Variants in DOK6 observed in about 807,000 individuals in gnomAD.
The protein encoded by DOK6 is downstream of tyrosine kinase 6.
In DOK6, 22 loss-of-function variants were observed where a neutral mutation model predicts 44.0. The ratio of observed to expected loss-of-function variants is 0.50; its 90% confidence interval spans 0.36 to 0.71. The LOEUF (loss-of-function observed/expected upper bound fraction) is 0.71. Among genes scored for constraint, DOK6 ranks in the 30% least tolerant of loss-of-function variants. DOK6 has a pLI of 0.00. For missense variants in DOK6, 340 were observed against 416.4 expected (o/e 0.82, Z 1.60); for synonymous variants, 166 against 145.5 (o/e 1.14, Z -1.01).
At chr18:69,447,171 G>A (rs1417356292) in intron 1 of DOK6, among the ~76,000 whole-genome samples, 2 of 152,070 alleles carry the variant, frequency 1.3e-5, no homozygotes, top group South Asian at 2.1e-4. Flanking sequence ...TTTATTCTAG[G>A]GTTTTTATGG....
intron 7 of DOK6, among the ~76,000 whole-genome samples, chr18:69,833,851 A>C (rs934827761): frequency 1.5e-4 from 23 of 152,230 alleles, no homozygotes; most frequent in African/African-American, 5.5e-4. Flanking sequence ...TCACAACTAC[A>C]ATGGGATATC....
intron 7 of DOK6, among the ~76,000 whole-genome samples, chr18:69,835,481 CAACA>C (rs368632710): frequency 2.0e-4 from 4 of 19,832 alleles, no homozygotes; most frequent in East Asian, 0.038. Flanking sequence ...ACAACAACAA[CAACA>C]AAAAAAAAAA....
chr18:69,658,458 G>T (rs1568324730), intron 3 of DOK6, among the ~76,000 whole-genome samples: 2 of 152,106 alleles, frequency 1.3e-5, no homozygotes, highest in Admixed American at 1.3e-4. Context: ...TTTAAAATAA[G>T]TATTGTTGTA....
chr18:69,534,827 T>C (rs762855799), intron 1 of DOK6, among the ~76,000 whole-genome samples: 21 of 152,190 alleles, frequency 1.4e-4, no homozygotes, highest in Non-Finnish European at 2.8e-4. Flanking sequence ...GCATCTGCTA[T>C]GATCATCTTG....
intron 2 of DOK6, among the ~76,000 whole-genome samples, chr18:69,580,528 C>T (rs1050215829): frequency 2.0e-5 from 3 of 151,962 alleles, no homozygotes; most frequent in Non-Finnish European, 2.9e-5. Context: ...TTTCTGTTTT[C>T]GGTTTTATTA....
At chr18:69,488,346 T>C (rs551507000) in intron 1 of DOK6, among the ~76,000 whole-genome samples, 2 of 152,314 alleles carry the variant, frequency 1.3e-5, no homozygotes, top group South Asian at 4.1e-4. Context: ...ACGTTCAGTC[T>C]TAACACTGGG....
At chr18:69,492,032 T>C (rs1421809639) in intron 1 of DOK6, among the ~76,000 whole-genome samples, 1 of 152,200 alleles carries the variant, frequency 6.6e-6, no homozygotes, top group Non-Finnish European at 1.5e-5. Flanking sequence ...TTCCCAAATC[T>C]GTCTCTTTGC....
At chr18:69,616,043 C>T (rs1332328762) in intron 3 of DOK6, among the ~76,000 whole-genome samples, 1 of 152,184 alleles carries the variant, frequency 6.6e-6, no homozygotes, top group African/African-American at 2.4e-5. Context: ...ATAGACAATA[C>T]AGTTAAGTGT....
rs1250116937 is a variant in DOK6 at position 69,623,629 on chromosome 18, C to T, written c.289+24131C>T. Among the ~76,000 whole-genome samples the T allele has an allele frequency of 1.3e-5, 2 of 152,224 alleles. 1 individual carries two copies. On this transcript the variant is annotated intron_variant, in intron 3 of 7. Transcript: ENST00000382713. Reference sequence around the variant, plus strand: ...ACCCAGCCAACTGTTAGCTCTAAGACGCTGGGCAAACTTCTAAATTCCTCT... The same window carrying T: ...ACCCAGCCAACTGTTAGCTCTAAGATGCTGGGCAAACTTCTAAATTCCTCT...
chr18:69,555,806 T>C (rs1411463570), intron 1 of DOK6, among the ~76,000 whole-genome samples: 2 of 152,260 alleles, frequency 1.3e-5, no homozygotes, highest in Non-Finnish European at 2.9e-5. Context: ...TGCAGAGGTC[T>C]ATTTAATCAA....
Position 69,628,705 on chromosome 18 carries a change from C to A in DOK6, c.289+29207C>A, listed in dbSNP as rs114661663. Among the ~76,000 whole-genome samples, 938 of 152,114 alleles carry A rather than the reference C, an allele frequency of 6.2e-3. 11 individuals are homozygous for A. The highest frequency in any genetic ancestry group is 0.021 in the African/African-American group (891 of 41,492). ...CTAACATATTTTGATTTATGAATAC[C>A]TTTGTAAACATCTCTGAGCGTATCT... On this transcript the variant is annotated intron_variant, in intron 3 of 7. Transcript: ENST00000382713.
chr18:69,446,231 A>C, intron 1 of DOK6, among the ~76,000 whole-genome samples: 1 of 107,492 alleles, frequency 9.3e-6, no homozygotes. Context: ...GACAGGCCCC[A>C]GTGTGTGATG....
intron 7 of DOK6, among the ~76,000 whole-genome samples, chr18:69,820,536 T>C (rs766871016): frequency 1.3e-5 from 2 of 152,156 alleles, no homozygotes; most frequent in Admixed American, 6.6e-5. Flanking sequence ...TATTTTTAAA[T>C]CATGTATCTT....
chr18:69,764,090 T>C (rs980031598), intron 7 of DOK6, among the ~76,000 whole-genome samples: 16 of 152,184 alleles, frequency 1.1e-4, no homozygotes, highest in African/African-American at 3.6e-4. Flanking sequence ...TGAGCACAGA[T>C]ACTTGCTACT....
chr18:69,524,259 A>G (rs1981768427), intron 1 of DOK6, among the ~76,000 whole-genome samples: 1 of 152,054 alleles, frequency 6.6e-6, no homozygotes, highest in African/African-American at 2.4e-5. Context: ...AAAATGTAAA[A>G]ACTGAACATT....
chr18:69,631,918 A>ACT (rs1225802028), intron 3 of DOK6, among the ~76,000 whole-genome samples: 1 of 152,110 alleles, frequency 6.6e-6, no homozygotes, highest in Admixed American at 6.6e-5. Flanking sequence ...AGTCACATTG[A>ACT]CTCTATCTGA....
intron 7 of DOK6, among the ~76,000 whole-genome samples, chr18:69,810,599 G>C (rs910572317): frequency 1.3e-5 from 2 of 151,688 alleles, no homozygotes; most frequent in Non-Finnish European, 2.9e-5. Context: ...AAGTATATAA[G>C]GAACTCAAAC....
chr18:69,459,401 C>T (rs910531573), intron 1 of DOK6, among the ~76,000 whole-genome samples: 3 of 151,876 alleles, frequency 2.0e-5, no homozygotes, highest in Non-Finnish European at 2.9e-5. Context: ...TTTGTTGGTC[C>T]TCATGTTATG....
intron 7 of DOK6, among the ~76,000 whole-genome samples, chr18:69,818,673 A>C (rs975196203): frequency 1.3e-5 from 2 of 152,246 alleles, no homozygotes; most frequent in Admixed American, 1.3e-4. Context: ...ATTTGATTGA[A>C]TAACTGGGGC....
Sources: gnomAD v4.1 joint callset for allele counts (sites outside exome capture counted in the v4.1 genomes callset) on GRCh38, gnomAD v4.1.1 for gene constraint, MANE v1.5 for transcripts, NCBI Gene and HGNC (gene_info 2026-07-23, HGNC 2026-07-21) for gene names.